The following NADK2 variants were observed in gnomAD, a reference collection of about 807,000 sequenced individuals.
NADK2 encodes the protein NAD kinase 2, mitochondrial, also known as NAD kinase domain-containing protein 1, mitochondrial.
In NADK2, 35 loss-of-function variants were observed where a neutral mutation model predicts 62.1. The ratio of observed to expected loss-of-function variants is 0.56; its 90% CI spans 0.43 to 0.75. The LOEUF (loss-of-function observed/expected upper bound fraction) is 0.75. Among genes scored for constraint, NADK2 ranks in the 30% least tolerant of loss-of-function variants. The probability of loss-of-function intolerance (pLI) is 0.00; values close to 1 mark genes in which losing one functional copy is unlikely to be tolerated. For missense variants in NADK2, 439 were observed against 561.3 expected (o/e 0.78, Z 2.20); for synonymous variants, 205 against 207.9 (o/e 0.99, Z 0.12).
intron 7 of NADK2, among the ~76,000 whole-genome samples, chr5:36,211,128 T>C (rs1746825299): frequency 2.0e-5 from 3 of 152,056 alleles, no homozygotes; most frequent in South Asian, 2.1e-4. Context: ...CTGGCCGACA[T>C]GGTGTATCAG....
chr5:36,240,067 A>G (rs1176292827), intron 1 of NADK2, among the ~76,000 whole-genome samples: 1 of 152,186 alleles, frequency 6.6e-6, no homozygotes, highest in Non-Finnish European at 1.5e-5. Flanking sequence ...AGTACAACCC[A>G]AAGGGCACAC....
At chr5:36,240,102 T>G (rs1176070421) in intron 1 of NADK2, among the ~76,000 whole-genome samples, 2 of 152,236 alleles carry the variant, frequency 1.3e-5, no homozygotes, top group East Asian at 3.8e-4. Flanking sequence ...AGTAACACTG[T>G]GCTTTCTTAG....
intron 6 of NADK2, among the ~76,000 whole-genome samples, chr5:36,212,840 T>G (rs994665590): frequency 3.3e-5 from 5 of 152,220 alleles, no homozygotes; most frequent in African/African-American, 1.2e-4. Context: ...CCTGCCTCCC[T>G]GGTATTCACA....
At chr5:36,202,474 G>A (rs1380297035) in intron 8 of NADK2, among the ~76,000 whole-genome samples, 1 of 152,064 alleles carries the variant, frequency 6.6e-6, no homozygotes, top group Non-Finnish European at 1.5e-5. Context: ...ACAGGATAAT[G>A]GGACAATTCA....
intron 1 of NADK2, among the ~76,000 whole-genome samples, chr5:36,236,904 G>A (rs1159697376): frequency 1.3e-5 from 2 of 149,352 alleles, no homozygotes; most frequent in Non-Finnish European, 3.0e-5. Flanking sequence ...TTGGATAGAG[G>A]AAGAAGAGCA....
chr5:36,236,299 T>C (rs1039491666), intron 1 of NADK2, among the ~76,000 whole-genome samples: 1 of 152,220 alleles, frequency 6.6e-6, no homozygotes, highest in Non-Finnish European at 1.5e-5. Flanking sequence ...TCTTTGTGAG[T>C]TTCCTATTTA....
chr5:36,214,391 G>T (rs1746966994), intron 6 of NADK2, among the ~76,000 whole-genome samples: 1 of 152,158 alleles, frequency 6.6e-6, no homozygotes, highest in Non-Finnish European at 1.5e-5. Flanking sequence ...TGTTGGTCAG[G>T]CTGGTCTCAA....
intron 10 of NADK2, 114 bp from the exon 11 acceptor site, chr5:36,197,778 G>C (rs1746288069): frequency 1.1e-6 from 1 of 908,136 alleles, no homozygotes; most frequent in Non-Finnish European, 1.5e-6. Context: ...GTATATTTGG[G>C]AACAAGTTTC....
intron 8 of NADK2, 55 bp downstream of exon 8, chr5:36,207,115 T>G: frequency 2.7e-6 from 4 of 1,455,954 alleles, no homozygotes; most frequent in Non-Finnish European, 3.9e-6. Context: ...GCCAAAATAT[T>G]ACATTACTAA....
At position 36,217,728 on chromosome 5, in the gene NADK2, C is replaced by G. The variant is rs1451219682; in HGVS notation, c.781+20G>C. 1.2e-6 allele frequency: 2 copies of G among 1,613,490 alleles called. No individual in the cohort carries two copies. Among genetic ancestry groups the G allele is most frequent in the South Asian group, 1.1e-5 (1 of 91,040 alleles). On this transcript the variant is annotated intron_variant, in intron 6 of 11. Coordinates refer to ENST00000381937, the MANE Select transcript of NADK2 (RefSeq NM_001085411.3). ...GAGTTAAATATTTCCCCAAACACAT[C>G]TGATGCCCAATCCACCTACTTTCAT...
At chr5:36,225,481 TAA>T in intron 4 of NADK2, 59 bp downstream of exon 4, 1 of 1,341,408 alleles carries the variant, frequency 7.5e-7, no homozygotes, top group Non-Finnish European at 1.0e-6. Flanking sequence ...ATGTATAACC[TAA>T]AAAAAAACTT....
At chr5:36,207,457 A>AC (rs1344569379) in intron 7 of NADK2, among the ~76,000 whole-genome samples, 192 bp from the exon 8 acceptor site, 3 of 151,738 alleles carry the variant, frequency 2.0e-5, no homozygotes, top group African/African-American at 4.8e-5. Context: ...AAAAAAAAAA[A>AC]AACTACATGT....
At chr5:36,239,181 A>T (rs1748016631) in intron 1 of NADK2, among the ~76,000 whole-genome samples, 1 of 152,198 alleles carries the variant, frequency 6.6e-6, no homozygotes, top group Non-Finnish European at 1.5e-5. Context: ...AATTCACATG[A>T]TTCACATAAC....
intron 6 of NADK2, among the ~76,000 whole-genome samples, chr5:36,215,356 T>C (rs1046057610): frequency 6.6e-6 from 1 of 152,246 alleles, no homozygotes; most frequent in South Asian, 2.1e-4. Flanking sequence ...AGGTAATATT[T>C]TGATACATGC....
At chr5:36,225,429 G>T in intron 4 of NADK2, 113 bp downstream of exon 4, 1 of 785,916 alleles carries the variant, frequency 1.3e-6, no homozygotes, top group Non-Finnish European at 2.0e-6. Flanking sequence ...TTTTAAGACA[G>T]ACCATAAAAA....
At position 36,200,268 on chromosome 5, in the gene NADK2, C is replaced by T; in HGVS notation, c.1025G>A (p.Gly342Glu). ...EDVLNIAKRQGNLSLPLNREL... is the reference protein window; with the variant it reads ...EDVLNIAKRQENLSLPLNREL... ...TCTGTTCAATGGAAGACTCAAATTT[C>T]CTTGTCGTTTTGCTGTTGAAAAAGG... is the stretch of plus-strand genomic sequence containing the variant. Residue 342 changes from glycine (G) to glutamate (E), a missense_variant, in exon 10 of 12, where the codon GGA becomes GAA. Physicochemically the swap from Gly to Glu is moderately conservative, Grantham distance 98. Transcript: ENST00000381937. 6.3e-7 allele frequency: 1 copy of T among 1,580,936 alleles called. No homozygotes were observed. Among genetic ancestry groups the T allele is most frequent in the Non-Finnish European group, 8.6e-7 (1 of 1,162,666 alleles).
At position 36,225,627 on chromosome 5, in the gene NADK2, A is replaced by G; in HGVS notation, c.479-4T>C. 6.2e-7 allele frequency: 1 copy of G among 1,611,188 alleles called. No individual in the cohort carries two copies. Among genetic ancestry groups the G allele is most frequent in the East Asian group, 2.2e-5 (1 of 44,852 alleles). On this transcript the variant is annotated splice_region_variant and splice_polypyrimidine_tract_variant and intron_variant, in intron 3 of 11. Coordinates refer to ENST00000381937, the MANE Select transcript of NADK2 (RefSeq NM_001085411.3). ...GCCAGCAGCATTGTGCCATCACCTA[A>G]GGAACATAAGACAAAATACAAGACA...
rs1327481544 is a variant in NADK2 at position 36,194,684 on chromosome 5, T to C, written c.*460A>G. 6.7e-6 allele frequency: 1 copy of C among 148,990 alleles called. No homozygotes were observed. The highest frequency in any genetic ancestry group is 1.5e-5 in the Non-Finnish European group (1 of 68,058). 9.2% of individuals were successfully genotyped at this position (148,990 alleles called of 1,614,324 possible). On this transcript the variant is annotated 3_prime_UTR_variant, in exon 12 of 12. Transcript: ENST00000381937. ...GGTCAATGTCAGGATTTATCAAAAT[T>C]CTCTGTCTTGAAAATTTTTTCAAAA...
intron 1 of NADK2, among the ~76,000 whole-genome samples, chr5:36,240,722 A>C (rs570048105): frequency 6.6e-6 from 1 of 152,322 alleles, no homozygotes; most frequent in Non-Finnish European, 1.5e-5. Context: ...TAATAAACAT[A>C]TCAAATATGG....
Sources: gnomAD v4.1 joint callset for allele counts (sites outside exome capture counted in the v4.1 genomes callset) on GRCh38, gnomAD v4.1.1 for gene constraint, MANE v1.5 for transcripts, NCBI Gene and HGNC (gene_info 2026-07-23, HGNC 2026-07-21) for gene names.